COL6A6: variants seen among roughly 807,000 people sequenced by gnomAD.
The protein encoded by COL6A6 is collagen type VI alpha 6 chain, also known as collagen alpha-6(VI) chain.
A neutral mutation model predicts 208.6 loss-of-function variants in COL6A6; 183 were observed. That is an observed-to-expected ratio of 0.88 (90% CI 0.78 to 0.99). The LOEUF (loss-of-function observed/expected upper bound fraction) is 0.99. Ranked by LOEUF, COL6A6 falls within the 50% of genes least tolerant of loss-of-function variation. COL6A6 has a pLI of 0.00. For synonymous variants in COL6A6, 973 were observed against 1,011.8 expected, an observed-to-expected ratio of 0.96 and a Z score of 0.73; for missense variants, 2,816 against 2,815.2, an observed-to-expected ratio of 1.00 and a Z score of -0.01.
chr3:130,617,194 A>G (rs747670393), intron 23 of COL6A6, among the ~76,000 whole-genome samples: 3 of 152,140 alleles, frequency 2.0e-5, no homozygotes, highest in Non-Finnish European at 4.4e-5. Context: ...ACATTTACTA[A>G]GTGCTGCTTG....
intron 36 of COL6A6, among the ~76,000 whole-genome samples, chr3:130,673,479 G>A (rs1478222713): frequency 6.6e-6 from 1 of 151,962 alleles, no homozygotes; most frequent in African/African-American, 2.4e-5. Context: ...GGTGGGGAGA[G>A]GTGCGGGGTA....
chr3:130,560,324 G>C lies in COL6A6; in HGVS notation c.-31-10G>C. 3 of 1,496,462 alleles carry C rather than the reference G, an allele frequency of 2.0e-6. No homozygotes were observed. The highest frequency in any genetic ancestry group is 2.8e-6 in the Non-Finnish European group (3 of 1,084,494). 92.7% of individuals were successfully genotyped at this position (1,496,462 alleles called of 1,614,324 possible). On this transcript the variant is annotated splice_polypyrimidine_tract_variant and intron_variant, in intron 1 of 36. Transcript: ENST00000358511. ...TCCACAACAATTTGTTTATATTTTT[G>C]CCTTTTCAGATTTGAAGTTGAAGAT...
chr3:130,555,823 ATTTC>A (rs1225710428), intron 1 of COL6A6, among the ~76,000 whole-genome samples: 1 of 152,042 alleles, frequency 6.6e-6, no homozygotes. Flanking sequence ...ACATTTATGT[ATTTC>A]TTAATTTTAA....
intron 17 of COL6A6, among the ~76,000 whole-genome samples, 170 bp from the exon 18 acceptor site, chr3:130,594,107 ATTAT>A (rs1456764332): frequency 1.8e-4 from 27 of 152,348 alleles, no homozygotes; most frequent in South Asian, 6.2e-4. Flanking sequence ...TCACTATTAA[ATTAT>A]TTATATGGTG....
At chr3:130,536,097 G>A (rs2062217724) in intron 1 of COL6A6, among the ~76,000 whole-genome samples, 1 of 152,200 alleles carries the variant, frequency 6.6e-6, no homozygotes, top group East Asian at 1.9e-4. Flanking sequence ...TATAGAAGGG[G>A]ATGCTCTTGT....
At chr3:130,673,523 C>T (rs1389027956) in intron 36 of COL6A6, among the ~76,000 whole-genome samples, 1 of 151,952 alleles carries the variant, frequency 6.6e-6, no homozygotes, top group Admixed American at 6.6e-5. Flanking sequence ...AGGGAAGAGT[C>T]CAGTAAAGGT....
chr3:130,573,918 C>T (rs2063228356), intron 7 of COL6A6, 38 bp from the exon 8 acceptor site: 2 of 1,416,832 alleles, frequency 1.4e-6, no homozygotes, highest in South Asian at 1.2e-5. Context: ...GAAAGAATAA[C>T]AATCTGGGTT....
intron 1 of COL6A6, among the ~76,000 whole-genome samples, chr3:130,556,231 G>GTTAATT (rs1232404200): frequency 2.0e-5 from 3 of 152,174 alleles, no homozygotes; most frequent in African/African-American, 7.2e-5. Flanking sequence ...TACTGTGGGA[G>GTTAATT]TTAATTTTCT....
chr3:130,564,165 G>C (rs2062962346), intron 3 of COL6A6, among the ~76,000 whole-genome samples: 1 of 152,194 alleles, frequency 6.6e-6, no homozygotes, highest in South Asian at 2.1e-4. Context: ...CAGGGGCCAG[G>C]CTGTGACTTA....
intron 7 of COL6A6, 68 bp from the exon 8 acceptor site, chr3:130,573,888 T>C: frequency 8.4e-7 from 1 of 1,197,130 alleles, no homozygotes; most frequent in South Asian, 1.4e-5. Flanking sequence ...AAACATTGAA[T>C]TTACTCTTGG....
chr3:130,551,170 G>A (rs2107800194), intron 1 of COL6A6, among the ~76,000 whole-genome samples: 1 of 151,912 alleles, frequency 6.6e-6, no homozygotes, highest in East Asian at 1.9e-4. Flanking sequence ...GTATCAGGGT[G>A]ATGCTGGCAT....
At chr3:130,619,044 G>A (rs1560074175) in intron 23 of COL6A6, among the ~76,000 whole-genome samples, 1 of 152,194 alleles carries the variant, frequency 6.6e-6, no homozygotes, top group Non-Finnish European at 1.5e-5. Context: ...ATTAAACACA[G>A]TAGTTCATCC....
rs1292695280 is a variant in COL6A6 at position 130,649,602 on chromosome 3, T to C, written c.5733+40T>C. On this transcript the variant is annotated intron_variant, in intron 33 of 36. Coordinates refer to ENST00000358511, the MANE Select transcript of COL6A6 (RefSeq NM_001102608.3). ...CCTTTCACATGACAATTCTTACTTATCTTGCCTGTATTCAGAAGCCCCTAT... is the reference window on the plus strand; with the variant it reads ...CCTTTCACATGACAATTCTTACTTACCTTGCCTGTATTCAGAAGCCCCTAT... The C allele has an allele frequency of 6.0e-6, 9 of 1,507,110 alleles. No individual in the cohort carries two copies. In the Middle Eastern group the frequency reaches 1.0e-3, roughly 175 times the overall value. 93.4% of individuals were successfully genotyped at this position (1,507,110 alleles called of 1,614,324 possible). A position where few individuals can be genotyped will look rare whatever the true frequency, so the allele number is the denominator to read the frequency against.
At chr3:130,518,126 C>A (rs1710850362) in intron 1 of COL6A6, among the ~76,000 whole-genome samples, 1 of 152,118 alleles carries the variant, frequency 6.6e-6, no homozygotes, top group African/African-American at 2.4e-5. Context: ...ATTTCTCATT[C>A]TCTTGTTAAA....
At chr3:130,559,501 G>A (rs1420170337) in intron 1 of COL6A6, among the ~76,000 whole-genome samples, 1 of 152,200 alleles carries the variant, frequency 6.6e-6, no homozygotes, top group African/African-American at 2.4e-5. Context: ...GGTATAGGGT[G>A]AGATAAACAT....
At chr3:130,540,451 T>G (rs2062335667) in intron 1 of COL6A6, among the ~76,000 whole-genome samples, 1 of 96,432 alleles carries the variant, frequency 1.0e-5, no homozygotes. Flanking sequence ...AGTATCAGAA[T>G]GATTTCACTG....
Position 130,560,357 on chromosome 3 carries a change from G to A in COL6A6, c.-8G>A. 1 of 1,606,940 alleles carries A rather than the reference G, an allele frequency of 6.2e-7. No homozygotes were observed. Among genetic ancestry groups the A allele is most frequent in the Non-Finnish European group, 8.5e-7 (1 of 1,177,108 alleles). Reference sequence around the variant, plus strand: ...AGATTTGAAGTTGAAGATTTTTCAGGTCATAATATGATGTTGCTAATTTTG... The same window carrying A: ...AGATTTGAAGTTGAAGATTTTTCAGATCATAATATGATGTTGCTAATTTTG... On this transcript the variant is annotated 5_prime_UTR_variant, in exon 2 of 37. Coordinates refer to ENST00000358511, the MANE Select transcript of COL6A6 (RefSeq NM_001102608.3).
Position 130,574,453 on chromosome 3 carries a change from C to G in COL6A6, c.3475C>G (p.His1159Asp), listed in dbSNP as rs765889688. 9 of 1,614,028 alleles carry G rather than the reference C, an allele frequency of 5.6e-6. No individual in the cohort carries two copies. The East Asian group carries it at 6.7e-5, about 12-fold the overall frequency. The change falls in exon 8 of 37, where the codon CAC (histidine) becomes GAC (aspartate). Residue 1159 changes from histidine to aspartate, a missense_variant. His to Asp is a moderately conservative substitution (Grantham distance 81, BLOSUM62 -1). Transcript: ENST00000358511. The stretch of plus-strand genomic sequence containing the variant: ...GACTGCAGAGAAAAAACTGACAGTG[C>G]ACAACTTCGATGAACTGAAGAAGGT... Reference protein sequence around the residue: ...TGTAEKKLTVHNFDELKKVNK... With the variant: ...TGTAEKKLTVDNFDELKKVNK...
Position 130,582,024 on chromosome 3 carries a change from A to G in COL6A6, c.3926A>G (p.Asp1309Gly), listed in dbSNP as rs772347953. Residue 1309 changes from aspartate (D) to glycine (G), a missense_variant, in exon 10 of 37, where the codon GAT (aspartate) becomes GGT (glycine). Transcript: ENST00000358511. Reference protein sequence around the residue: ...VLLFSDGLDDDVEKLEQKSDE... With the variant: ...VLLFSDGLDDGVEKLEQKSDE... Reference sequence around the variant, plus strand: ...TTATTTTCAGATGGATTGGATGATGATGTTGAGAAACTTGAACAAAAATCT... The same window carrying G: ...TTATTTTCAGATGGATTGGATGATGGTGTTGAGAAACTTGAACAAAAATCT... The G allele has an allele frequency of 6.2e-7, 1 of 1,610,234 alleles. No individual in the cohort carries two copies. The highest frequency in any genetic ancestry group is 1.7e-5 in the Admixed American group (1 of 59,494).
Sources: allele counts gnomAD v4.1 joint callset (sites outside exome capture counted in the v4.1 genomes callset), GRCh38; gene constraint gnomAD v4.1.1; transcripts MANE v1.5; gene names NCBI Gene and HGNC (gene_info 2026-07-23, HGNC 2026-07-21).